Variants in PRR16 observed in about 807,000 individuals in gnomAD.
PRR16 encodes protein Largen.
PRR16 carries 6 observed loss-of-function variants against 18.2 expected under a neutral mutation model. The observed-to-expected ratio is 0.33, with a 90% CI of 0.18 to 0.65. The LOEUF (loss-of-function observed/expected upper bound fraction) is 0.65. PRR16 is among the 30% of genes least tolerant of loss of function. The probability of loss-of-function intolerance (pLI) is 0.74; values close to 1 mark genes in which losing one functional copy is unlikely to be tolerated. For missense variants in PRR16, 412 were observed against 376.6 expected, an observed-to-expected ratio of 1.09 and a Z score of -0.78; for synonymous variants, 151 against 147.8, an observed-to-expected ratio of 1.02 and a Z score of -0.16.
intron 1 of PRR16, among the ~76,000 whole-genome samples, chr5:120,649,730 G>T (rs575797687): frequency 3.0e-4 from 45 of 152,126 alleles, no homozygotes; most frequent in Non-Finnish European, 5.4e-4. Flanking sequence ...CAGAAATGGT[G>T]AAAATATATT....
Position 120,464,560 on chromosome 5 carries a change from A to G in PRR16, c.74A>G (p.Lys25Arg). The part of the protein sequence containing the change: ...AEGPPAASKT[K>R]VKEQIKIIVE... ...GGACCGCCGGCAGCCTCCAAAACCA[A>G]GGTGAAGGAACAGATCAAGATCATC... Residue 25 changes from lysine (K) to arginine (R), a missense_variant, in exon 1 of 2, where the codon AAG becomes AGG. Transcript: ENST00000407149. 6.3e-7 allele frequency: 1 copy of G among 1,590,514 alleles called. No individual in the cohort carries two copies. Among genetic ancestry groups the G allele is most frequent in the Non-Finnish European group, 8.5e-7 (1 of 1,176,488 alleles).
the PRR16 span, among the ~76,000 whole-genome samples, chr5:120,769,389 A>C: frequency 6.6e-6 from 1 of 151,726 alleles, no homozygotes; most frequent in Non-Finnish European, 1.5e-5. Context: ...CTACCCTCTT[A>C]ATAAATTTTG....
chr5:120,760,670 C>T, the PRR16 span, among the ~76,000 whole-genome samples: 18 of 152,234 alleles, frequency 1.2e-4, no homozygotes, highest in African/African-American at 4.3e-4. Flanking sequence ...ACCACAGGAT[C>T]ACATTAGACC....
In PRR16 at chr5:120,582,487, T is replaced by A. The variant is rs186844691; in HGVS notation, c.160-103467T>A. Among the ~76,000 whole-genome samples the A allele has an allele frequency of 6.9e-3, 1,045 of 151,782 alleles. 6 individuals are homozygous for A. The highest frequency in any genetic ancestry group is 0.018 in the African/African-American group (732 of 41,470). ...AAAATTTATATACTCTTATTTTTTT[T>A]AAAAAAATAGAATAAGGAAATAAAT... On this transcript the variant is annotated intron_variant, in intron 1 of 1. Transcript: ENST00000407149.
the PRR16 span, among the ~76,000 whole-genome samples, chr5:120,728,324 C>G: frequency 1.1e-5 from 1 of 87,852 alleles, no homozygotes; most frequent in Admixed American, 1.3e-4. Flanking sequence ...TCAAAAATAA[C>G]CTTTTTTTTT....
At chr5:120,494,159 T>TA (rs1750162019) in intron 1 of PRR16, among the ~76,000 whole-genome samples, 1 of 152,160 alleles carries the variant, frequency 6.6e-6, no homozygotes, top group African/African-American at 2.4e-5. Flanking sequence ...CGTCAATGTA[T>TA]AAGTTATCTG....
At chr5:120,743,692 T>A in the PRR16 span, among the ~76,000 whole-genome samples, 2 of 152,300 alleles carry the variant, frequency 1.3e-5, no homozygotes, top group East Asian at 3.9e-4. Context: ...TTGCTGTATT[T>A]TAGGAAATTT....
At chr5:120,501,654 C>A (rs905322218) in intron 1 of PRR16, among the ~76,000 whole-genome samples, 2 of 151,974 alleles carry the variant, frequency 1.3e-5, no homozygotes, top group Non-Finnish European at 2.9e-5. Context: ...AAAATGAACA[C>A]ATAATGTAGT....
chr5:120,790,071 G>A, the PRR16 span: 1 of 152,116 alleles, frequency 6.6e-6, no homozygotes, highest in African/African-American at 2.4e-5. Flanking sequence ...CAGAAGCCTG[G>A]CCATCTCAGA....
At chr5:120,526,787 C>T (rs1375789614) in intron 1 of PRR16, among the ~76,000 whole-genome samples, 18 of 152,262 alleles carry the variant, frequency 1.2e-4, no homozygotes, top group East Asian at 9.6e-4. Context: ...ACTGTATCTA[C>T]GGGATTTCAC....
intron 1 of PRR16, among the ~76,000 whole-genome samples, chr5:120,604,100 A>T (rs1005910849): frequency 6.8e-5 from 10 of 147,522 alleles, no homozygotes; most frequent in Non-Finnish European, 1.1e-4. Context: ...TAGGTCCCAA[A>T]TTTTTTTTTT....
chr5:120,485,335 T>G (rs113671687), intron 1 of PRR16, among the ~76,000 whole-genome samples: 1 of 152,196 alleles, frequency 6.6e-6, no homozygotes, highest in African/African-American at 2.4e-5. Flanking sequence ...GGATAAATAT[T>G]GATCATCCTG....
chr5:120,632,528 A>T (rs1009318164), intron 1 of PRR16, among the ~76,000 whole-genome samples: 3 of 151,658 alleles, frequency 2.0e-5, no homozygotes, highest in African/African-American at 7.3e-5. Flanking sequence ...AGCATAAATT[A>T]AAAAAAAATC....
intron 1 of PRR16, among the ~76,000 whole-genome samples, chr5:120,582,596 A>C (rs1320865535): frequency 6.6e-6 from 1 of 152,230 alleles, no homozygotes; most frequent in African/African-American, 2.4e-5. Context: ...TTACAAATAG[A>C]TAAAGAAATA....
At chr5:120,626,127 G>A (rs377562300) in intron 1 of PRR16, among the ~76,000 whole-genome samples, 13 of 152,008 alleles carry the variant, frequency 8.6e-5, no homozygotes, top group African/African-American at 1.2e-4. Flanking sequence ...CTCAGTAAGC[G>A]TTATAAACAT....
intron 1 of PRR16, among the ~76,000 whole-genome samples, chr5:120,564,988 GAA>G (rs34900155): frequency 0.033 from 3,012 of 91,842 alleles, 124 homozygotes; most frequent in African/African-American, 0.11. Flanking sequence ...TCTGTTTCCA[GAA>G]AAAAAAAAAA....
In PRR16 at chr5:120,514,803, C is replaced by CA. The variant is rs530462048; in HGVS notation, c.159+50159dup. 1.5e-3 allele frequency among the ~76,000 whole-genome samples: 231 copies of CA among 152,254 alleles called. 1 individual carries two copies. Among genetic ancestry groups the CA allele is most frequent in the African/African-American group, 5.3e-3 (221 of 41,544 alleles). On this transcript the variant is annotated intron_variant, in intron 1 of 1. Transcript: ENST00000407149. ...AGAAAAAAGCTCCAGATATTTTCTC[C>CA]ATTTCTTTCTTTCTTCTGAGCTCTC...
the PRR16 span, among the ~76,000 whole-genome samples, chr5:120,743,877 C>G: frequency 6.6e-6 from 1 of 151,738 alleles, no homozygotes; most frequent in African/African-American, 2.4e-5. Context: ...TTGTTTTTTC[C>G]TATTTGTTAG....
At chr5:120,539,603 C>A (rs1751842620) in intron 1 of PRR16, among the ~76,000 whole-genome samples, 2 of 151,932 alleles carry the variant, frequency 1.3e-5, no homozygotes, top group Admixed American at 6.6e-5. Flanking sequence ...GCATACCAAA[C>A]CCCTGAGACA....
Sources: gnomAD v4.1 joint callset for allele counts (sites outside exome capture counted in the v4.1 genomes callset) on GRCh38, gnomAD v4.1.1 for gene constraint, MANE v1.5 for transcripts, NCBI Gene and HGNC (gene_info 2026-07-23, HGNC 2026-07-21) for gene names.